PAM: variants seen among roughly 807,000 people sequenced by gnomAD.
The protein encoded by PAM is peptidyl-glycine alpha-amidating monooxygenase.
Under a neutral mutation model 122.1 loss-of-function variants are expected in PAM, and 72 were observed. That is an observed-to-expected ratio of 0.59 (90% CI 0.49 to 0.72). The LOEUF (loss-of-function observed/expected upper bound fraction) is 0.72. Ranked by LOEUF, PAM falls within the 30% of genes least tolerant of loss-of-function variation. The pLI is 0.00. For synonymous variants in PAM, 389 were observed against 404.4 expected (o/e 0.96, Z 0.46); for missense variants, 1,106 against 1,183.7 (o/e 0.93, Z 0.96).
intron 1 of PAM, among the ~76,000 whole-genome samples, chr5:102,818,352 C>T (rs1405060391): frequency 1.3e-5 from 2 of 151,874 alleles, no homozygotes; most frequent in Non-Finnish European, 2.9e-5. Flanking sequence ...ACACACAGTT[C>T]CTTTCAAAAA....
At chr5:102,801,772 ATTTT>A (rs36068804) in intron 1 of PAM, among the ~76,000 whole-genome samples, 26 of 98,970 alleles carry the variant, frequency 2.6e-4, no homozygotes, top group South Asian at 1.0e-3. Flanking sequence ...GGGAAAAGGT[ATTTT>A]TTTTTTTTTT....
intron 1 of PAM, among the ~76,000 whole-genome samples, chr5:102,834,001 T>C (rs570733624): frequency 9.7e-4 from 148 of 152,186 alleles, no homozygotes; most frequent in Non-Finnish European, 1.8e-3. Context: ...GCATATATAA[T>C]TGATTTAATT....
intron 1 of PAM, among the ~76,000 whole-genome samples, chr5:102,790,891 C>T (rs1402713885): frequency 1.3e-5 from 2 of 152,006 alleles, no homozygotes; most frequent in African/African-American, 4.8e-5. Context: ...TTTTACTACC[C>T]AGAGATAAGC....
chr5:102,829,200 G>A lies in PAM; in HGVS notation c.-373-36623G>A, dbSNP rs76869093. ...AGGTTGTGTACTCTAAATTTTGACC[G>A]AAAGTCATACGTACAAAATGTATTC... is the stretch of plus-strand genomic sequence containing the variant. On this transcript the variant is annotated intron_variant, in intron 1 of 25. Transcript: ENST00000438793. Among the ~76,000 whole-genome samples, 36 of 152,074 alleles carry A rather than the reference G, an allele frequency of 2.4e-4. No individual in the cohort carries two copies. The East Asian group carries it at 4.8e-3, about 20-fold the overall frequency.
chr5:102,872,492 C>G (rs1403446025), intron 3 of PAM, among the ~76,000 whole-genome samples: 1 of 152,190 alleles, frequency 6.6e-6, no homozygotes, highest in Non-Finnish European at 1.5e-5. Flanking sequence ...AAGTAACGTA[C>G]TTTAACTTCT....
intron 1 of PAM, among the ~76,000 whole-genome samples, chr5:102,769,199 A>C (rs887011232): frequency 6.6e-6 from 1 of 151,804 alleles, no homozygotes; most frequent in African/African-American, 2.4e-5. Context: ...CTGGATTATC[A>C]GATTTTTTTT....
chr5:103,017,408 C>T lies in PAM; in HGVS notation c.2406C>T (p.Thr802=), dbSNP rs749862201. The T allele has an allele frequency of 3.1e-6, 5 of 1,604,722 alleles. No homozygotes were observed. Among genetic ancestry groups the T allele is most frequent in the East Asian group, 2.2e-5 (1 of 44,828 alleles). ...ACATTGGAGATGCTCATACCAACACCGTGTGGAAGTTCACCTTGACTGAGA... is the reference window on the plus strand; with the variant it reads ...ACATTGGAGATGCTCATACCAACACTGTGTGGAAGTTCACCTTGACTGAGA... ...TVYIGDAHTN[T]VWKFTLTEKL... Residue 802 remains threonine (T), a synonymous_variant, in exon 22 of 26, where the codon ACC becomes ACT. Coordinates refer to ENST00000438793, the MANE Select transcript of PAM (RefSeq NM_001177306.2).
intron 14 of PAM, among the ~76,000 whole-genome samples, chr5:102,970,132 A>T (rs1765371773): frequency 6.6e-6 from 1 of 152,202 alleles, no homozygotes; most frequent in African/African-American, 2.4e-5. Context: ...TACAACGGTG[A>T]AATAGGAAGT....
At chr5:102,770,924 AT>A (rs1755599778) in intron 1 of PAM, among the ~76,000 whole-genome samples, 1 of 152,090 alleles carries the variant, frequency 6.6e-6, no homozygotes, top group Non-Finnish European at 1.5e-5. Context: ...TCTGTAGTCC[AT>A]GAAAAATAGC....
intron 1 of PAM, among the ~76,000 whole-genome samples, chr5:102,784,702 A>G (rs532258362): frequency 6.6e-6 from 1 of 152,342 alleles, no homozygotes; most frequent in African/African-American, 2.4e-5. Flanking sequence ...GTTAACATTT[A>G]TGTGAAACAT....
Position 102,779,918 on chromosome 5 carries a change from T to TATACACACACAC in PAM, c.-374+24571_-374+24572insTACACACACACA, listed in dbSNP as rs147065045. Among the ~76,000 whole-genome samples, 376 of 95,594 alleles carry TATACACACACAC rather than the reference T, an allele frequency of 3.9e-3. 8 individuals carry two copies. Among genetic ancestry groups the TATACACACACAC allele is most frequent in the African/African-American group, 0.016 (342 of 22,038 alleles). 62.7% of individuals were successfully genotyped at this position (95,594 alleles called of 152,430 possible). A position where few individuals can be genotyped will look rare whatever the true frequency, so the allele number is the denominator to read the frequency against. On this transcript the variant is annotated intron_variant, in intron 1 of 25. Transcript: ENST00000438793. ...ATATATATATATATATATATATATA[T>TATACACACACAC]ACACACATATATATATGTATATATC...
At chr5:102,977,353 T>G (rs568589194) in intron 15 of PAM, among the ~76,000 whole-genome samples, 1 of 152,258 alleles carries the variant, frequency 6.6e-6, no homozygotes, top group Non-Finnish European at 1.5e-5. Context: ...TAGAATGATA[T>G]CTTCTGACTT....
chr5:102,772,562 C>T (rs1321022937), intron 1 of PAM, among the ~76,000 whole-genome samples: 1 of 152,088 alleles, frequency 6.6e-6, no homozygotes, highest in African/African-American at 2.4e-5. Context: ...GTAAACTATA[C>T]AGGCCCCTTT....
upstream of PAM, chr5:102,754,920 A>C (rs897053497): frequency 3.3e-5 from 5 of 152,238 alleles, no homozygotes; most frequent in African/African-American, 7.2e-5. Flanking sequence ...CAAGAGTTCC[A>C]GCTCTTGGCT....
chr5:102,981,528 A>T (rs1268139512), intron 15 of PAM, among the ~76,000 whole-genome samples: 1 of 151,540 alleles, frequency 6.6e-6, no homozygotes. Flanking sequence ...ACCATAAACA[A>T]GTAGAGACTA....
intron 21 of PAM, 89 bp downstream of exon 21, chr5:103,009,955 T>C: frequency 1.9e-6 from 1 of 520,008 alleles, no homozygotes; most frequent in Non-Finnish European, 3.3e-6. Context: ...TGAATAGCTT[T>C]AGAAAAACTT....
At chr5:102,756,324 G>C in intron 1 of PAM, among the ~76,000 whole-genome samples, 1 of 152,098 alleles carries the variant, frequency 6.6e-6, no homozygotes. Flanking sequence ...GGTCATTGGG[G>C]TTCAGAGTTG....
chr5:103,012,534 T>C (rs1780908490), intron 21 of PAM, among the ~76,000 whole-genome samples: 1 of 152,062 alleles, frequency 6.6e-6, no homozygotes, highest in Non-Finnish European at 1.5e-5. Flanking sequence ...CTTTCCCCAG[T>C]GTATGTTCTT....
chr5:103,005,835 C>T (rs770485549), intron 18 of PAM, among the ~76,000 whole-genome samples: 1 of 152,208 alleles, frequency 6.6e-6, no homozygotes, highest in Non-Finnish European at 1.5e-5. Flanking sequence ...AAGCTTCACT[C>T]AAATAACTAC....
Sources: gnomAD v4.1 joint callset for allele counts (sites outside exome capture counted in the v4.1 genomes callset) on GRCh38, gnomAD v4.1.1 for gene constraint, MANE v1.5 for transcripts, NCBI Gene and HGNC (gene_info 2026-07-23, HGNC 2026-07-21) for gene names.